The following TDO2 variants were observed in gnomAD, a reference collection of about 807,000 sequenced individuals.
The protein encoded by TDO2 is tryptophan 2,3-dioxygenase.
Under a neutral mutation model 61.2 loss-of-function variants are expected in TDO2, and 63 were observed. The ratio of observed to expected loss-of-function variants is 1.03; its 90% CI spans 0.84 to 1.27. TDO2 has a LOEUF of 1.27. Ranked by LOEUF, TDO2 falls within the 50% of genes most tolerant of loss-of-function variation. TDO2 has a pLI of 0.00. For missense variants in TDO2, 494 were observed against 469.5 expected, an observed-to-expected ratio of 1.05 and a Z score of -0.48; for synonymous variants, 183 against 164.0, an observed-to-expected ratio of 1.12 and a Z score of -0.89.
chr4:155,905,502 T>C (rs1393087707), intron 3 of TDO2: 5 of 202,462 alleles, frequency 2.5e-5, no homozygotes, highest in Non-Finnish European at 4.9e-5. Flanking sequence ...ATCATTGAAA[T>C]TTATGCTGGA....
chr4:155,918,232 A>T lies in TDO2; in HGVS notation c.1060A>T (p.Thr354Ser), dbSNP rs1352556759. ...CTCAGGCTATCACTACCTGCGATCA[A>T]CTGTGAGGTAGGTGGGGAAATTCTC... ...GSSGYHYLRS[T>S]VSDRYKVFVD... Residue 354 changes from threonine to serine, a missense_variant, in exon 11 of 12, where the codon ACT (threonine) becomes TCT (serine). Thr to Ser is a moderately conservative substitution (Grantham distance 58). Coordinates refer to ENST00000536354, the MANE Select transcript of TDO2 (RefSeq NM_005651.4). 6.2e-7 allele frequency: 1 copy of T among 1,613,914 alleles called. No individual in the cohort carries two copies. The highest frequency in any genetic ancestry group is 2.2e-5 in the East Asian group (1 of 44,888).
intron 7 of TDO2, among the ~76,000 whole-genome samples, chr4:155,912,327 A>G (rs180991014): frequency 1.6e-4 from 24 of 152,316 alleles, no homozygotes; most frequent in African/African-American, 5.8e-4. Context: ...ATACTTGTAA[A>G]GCATTGAAAG....
At chr4:155,905,250 G>A in intron 3 of TDO2, 93 bp downstream of exon 3, 1 of 945,882 alleles carries the variant, frequency 1.1e-6, no homozygotes, top group Non-Finnish European at 1.6e-6. Context: ...AATGATGAAA[G>A]ATCATGGAAT....
chr4:155,908,825 T>C, intron 4 of TDO2, 62 bp from the exon 5 acceptor site: 1 of 1,506,066 alleles, frequency 6.6e-7, no homozygotes, highest in Non-Finnish European at 8.9e-7. Flanking sequence ...ATTGCCATTG[T>C]CTATTTTGTA....
rs768602252 is a variant in TDO2 at position 155,914,284 on chromosome 4, TTC to T, written c.727-32_727-31del. ...GTTTTCTAAAATATCAATCTACTTATTCTCTCTCAGGACTATTAATGCCATAT... is the reference window on the plus strand; with the variant it reads ...GTTTTCTAAAATATCAATCTACTTATTCTCTCAGGACTATTAATGCCATAT... On this transcript the variant is annotated intron_variant, in intron 7 of 11. Transcript: ENST00000536354. 1.1e-5 allele frequency: 16 copies of T among 1,468,312 alleles called. No homozygotes were observed. In the African/African-American group the frequency reaches 2.3e-4, roughly 21 times the overall value. The allele number at this position is 1,468,312 out of a possible 1,614,324, so 91.0% of individuals were successfully genotyped here.
chr4:155,903,824 T>G, intron 1 of TDO2, 31 bp downstream of exon 1: 1 of 1,613,768 alleles, frequency 6.2e-7, no homozygotes, highest in Non-Finnish European at 8.5e-7. Context: ...TAAGTGGGTT[T>G]TGGCTTTTAG....
Position 155,910,073 on chromosome 4 carries a change from A to G in TDO2, c.480A>G (p.Leu160=), listed in dbSNP as rs758921140. 7.5e-6 allele frequency: 12 copies of G among 1,590,664 alleles called. No homozygotes were observed. The highest frequency in any genetic ancestry group is 2.4e-5 in the East Asian group (1 of 41,850). Residue 160 remains leucine (L), a synonymous_variant, in exon 6 of 12, where the codon CTA becomes CTG. Coordinates refer to ENST00000536354, the MANE Select transcript of TDO2 (RefSeq NM_005651.4). ...ASGFQSLQFR[L]LENKIGVLQN... ...GCTTCCAGAGTTTGCAATTCCGACT[A>G]TTAGAAAACAAGATAGGTGTTCTTC...
chr4:155,913,702 C>T (rs931384646), intron 7 of TDO2, among the ~76,000 whole-genome samples: 4 of 152,026 alleles, frequency 2.6e-5, no homozygotes, highest in Non-Finnish European at 5.9e-5. Flanking sequence ...TAGGTTAGTA[C>T]TACACAGTGT....
chr4:155,919,760 G>A, intron 11 of TDO2, 77 bp from the exon 12 acceptor site: 1 of 1,277,846 alleles, frequency 7.8e-7, no homozygotes, highest in Non-Finnish European at 1.1e-6. Context: ...AAATATCTGA[G>A]AAATAAATTT....
At chr4:155,904,255 T>C (rs1663567525) in intron 2 of TDO2, 132 bp downstream of exon 2, 4 of 654,298 alleles carry the variant, frequency 6.1e-6, no homozygotes, top group African/African-American at 1.8e-5. Flanking sequence ...AGGATATTTT[T>C]ATTCATAAAC....
chr4:155,911,075 G>C (rs551030873), intron 6 of TDO2, among the ~76,000 whole-genome samples: 2 of 151,896 alleles, frequency 1.3e-5, no homozygotes, highest in African/African-American at 4.8e-5. Context: ...AGAAGAGATC[G>C]TATCTTATAC....
At chr4:155,912,057 G>C (rs1290571650) in intron 7 of TDO2, among the ~76,000 whole-genome samples, 1 of 152,038 alleles carries the variant, frequency 6.6e-6, no homozygotes, top group South Asian at 2.1e-4. Context: ...TATCTTTCAG[G>C]TCTCTCATCC....
chr4:155,904,243 T>C (rs1309755898), intron 2 of TDO2, 120 bp downstream of exon 2: 8 of 690,116 alleles, frequency 1.2e-5, no homozygotes, highest in Non-Finnish European at 2.0e-5. Flanking sequence ...TTTCTGGACC[T>C]AAGGATATTT....
chr4:155,915,840 G>A lies in TDO2; in HGVS notation c.839-15G>A, dbSNP rs985747103. ...AAATGACCTAAAAAATTTAAATTTAGTATGTATTTTGCAGGTGAAAGACGG... is the reference window on the plus strand; with the variant it reads ...AAATGACCTAAAAAATTTAAATTTAATATGTATTTTGCAGGTGAAAGACGG... On this transcript the variant is annotated splice_polypyrimidine_tract_variant and intron_variant, in intron 8 of 11. Transcript: ENST00000536354. The A allele has an allele frequency of 5.0e-6, 8 of 1,598,462 alleles. No homozygotes were observed. The highest frequency in any genetic ancestry group is 1.8e-5 in the Admixed American group (1 of 56,258).
chr4:155,917,287 C>T, intron 9 of TDO2, 108 bp from the exon 10 acceptor site: 1 of 846,088 alleles, frequency 1.2e-6, no homozygotes, highest in Non-Finnish European at 1.8e-6. Context: ...TCCTCACAGG[C>T]AAAGCTGACA....
intron 7 of TDO2, 23 bp from the exon 8 acceptor site, chr4:155,914,300 T>C: frequency 6.4e-7 from 1 of 1,563,520 alleles, no homozygotes; most frequent in Non-Finnish European, 8.7e-7. Flanking sequence ...CTCAGGACTA[T>C]TAATGCCATA....
At chr4:155,913,233 T>G in intron 7 of TDO2, among the ~76,000 whole-genome samples, 1 of 152,146 alleles carries the variant, frequency 6.6e-6, no homozygotes, top group Admixed American at 6.6e-5. Flanking sequence ...TAAAGCCTTT[T>G]GATGTTACCT....
chr4:155,918,324 CCA>C, intron 11 of TDO2, 85 bp downstream of exon 11: 1 of 1,278,974 alleles, frequency 7.8e-7, no homozygotes, highest in Non-Finnish European at 1.1e-6. Flanking sequence ...CTAAAAAAAG[CCA>C]TTTTATTTGC....
chr4:155,903,837 G>GT (rs1742669590), intron 1 of TDO2, 44 bp downstream of exon 1: 1 of 1,604,808 alleles, frequency 6.2e-7, no homozygotes, highest in African/African-American at 1.3e-5. Flanking sequence ...GCTTTTAGAA[G>GT]TATCAGGTGT....
Sources: allele counts gnomAD v4.1 joint callset (sites outside exome capture counted in the v4.1 genomes callset), GRCh38; gene constraint gnomAD v4.1.1; transcripts MANE v1.5; gene names NCBI Gene and HGNC (gene_info 2026-07-23, HGNC 2026-07-21).